NELL2: variants seen among roughly 807,000 people sequenced by gnomAD.
NELL2 encodes the protein protein kinase C-binding protein NELL2.
NELL2 carries 41 observed loss-of-function variants against 109.6 expected under a neutral mutation model. That is an observed-to-expected ratio of 0.37 (90% CI 0.29 to 0.49). NELL2 has a LOEUF of 0.49. Ranked by LOEUF, NELL2 falls within the 20% of genes least tolerant of loss-of-function variation. The pLI is 0.98. For missense variants in NELL2, 900 were observed against 1,008.3 expected (o/e 0.89, Z 1.45); for synonymous variants, 355 against 344.7 (o/e 1.03, Z -0.33).
chr12:44,875,216 C>A lies in NELL2; in HGVS notation c.184+9G>T. 1.2e-6 allele frequency: 2 copies of A among 1,606,046 alleles called. No homozygotes were observed. Among genetic ancestry groups the A allele is most frequent in the Non-Finnish European group, 1.7e-6 (2 of 1,174,538 alleles). ...AAATCACAGTGGGGATGCAGCACGC[C>A]GGGCATACCTTGAAAGAGAAAGGCT... On this transcript the variant is annotated intron_variant, in intron 2 of 19. Coordinates refer to ENST00000429094, the MANE Select transcript of NELL2 (RefSeq NM_001145108.2).
At chr12:44,610,328 G>A (rs1945571614) in intron 14 of NELL2, among the ~76,000 whole-genome samples, 1 of 151,516 alleles carries the variant, frequency 6.6e-6, no homozygotes, top group Non-Finnish European at 1.5e-5. Context: ...GGTTGACAAC[G>A]CTGCCAGAAA....
intron 2 of NELL2, among the ~76,000 whole-genome samples, chr12:44,850,053 G>T (rs938146227): frequency 6.6e-6 from 1 of 152,050 alleles, no homozygotes; most frequent in Non-Finnish European, 1.5e-5. Context: ...GTTTTGGGTG[G>T]CGGTTATCTG....
intron 12 of NELL2, among the ~76,000 whole-genome samples, chr12:44,670,223 C>T (rs1395893761): frequency 1.3e-5 from 2 of 152,042 alleles, no homozygotes; most frequent in Non-Finnish European, 2.9e-5. Flanking sequence ...GTTATACCAG[C>T]CCTACAAAAA....
upstream of NELL2, chr12:44,876,593 G>A (rs1185990661): frequency 6.5e-7 from 1 of 1,543,924 alleles, no homozygotes; most frequent in East Asian, 2.4e-5. Flanking sequence ...TTGATGGGCG[G>A]TCTTTGCTCT....
intron 3 of NELL2, among the ~76,000 whole-genome samples, chr12:44,793,218 G>A (rs1942497148): frequency 6.6e-6 from 1 of 152,030 alleles, no homozygotes; most frequent in Admixed American, 6.6e-5. Context: ...ACCACCTGTC[G>A]AGAATATAAA....
At chr12:44,689,050 T>C (rs774080751) in intron 12 of NELL2, among the ~76,000 whole-genome samples, 4 of 152,186 alleles carry the variant, frequency 2.6e-5, no homozygotes, top group Non-Finnish European at 5.9e-5. Context: ...GATACAAATT[T>C]TCCTGGCTGC....
At chr12:44,546,279 T>C (rs1942787817) in intron 15 of NELL2, among the ~76,000 whole-genome samples, 1 of 152,142 alleles carries the variant, frequency 6.6e-6, no homozygotes, top group South Asian at 2.1e-4. Context: ...TTGTCAGATA[T>C]AGCTTTGAGT....
intron 12 of NELL2, among the ~76,000 whole-genome samples, chr12:44,668,581 C>T (rs746192260): frequency 1.3e-4 from 20 of 151,960 alleles, no homozygotes; most frequent in Non-Finnish European, 2.8e-4. Flanking sequence ...TGCACTATCA[C>T]AATCTGGACA....
chr12:44,904,017 C>G (rs554955512), intron 1 of NELL2, among the ~76,000 whole-genome samples: 1 of 151,544 alleles, frequency 6.6e-6, no homozygotes, highest in African/African-American at 2.4e-5. Context: ...GCACATGTAT[C>G]CCAAACTTAA....
chr12:44,778,283 A>T (rs796166564), intron 5 of NELL2, among the ~76,000 whole-genome samples: 4 of 152,302 alleles, frequency 2.6e-5, no homozygotes, highest in African/African-American at 9.6e-5. Flanking sequence ...GATTAATAGC[A>T]TGTATCAATG....
At chr12:44,522,277 G>T in intron 17 of NELL2, 101 bp from the exon 18 acceptor site, 2 of 973,804 alleles carry the variant, frequency 2.1e-6, no homozygotes, top group Non-Finnish European at 1.5e-6. Flanking sequence ...CTTGGAAGTT[G>T]AAATAATTCA....
At chr12:44,609,559 T>A (rs4768562) in intron 14 of NELL2, among the ~76,000 whole-genome samples, 7 of 151,876 alleles carry the variant, frequency 4.6e-5, no homozygotes, top group African/African-American at 1.5e-4. Context: ...AGGGAACTGC[T>A]GTACTATACT....
At position 44,508,904 on chromosome 12, in the gene NELL2, T is replaced by C. The variant is rs1332389071; in HGVS notation, c.*30A>G. On this transcript the variant is annotated 3_prime_UTR_variant, in exon 20 of 20. Transcript: ENST00000429094. ...GTCTTTTAATGAAAGAACATTCTTT[T>C]AACAGAAATCTCCCATGAGACAGTT... The C allele has an allele frequency of 4.4e-6, 7 of 1,588,878 alleles. No homozygotes were observed. Among genetic ancestry groups the C allele is most frequent in the Non-Finnish European group, 6.0e-6 (7 of 1,164,650 alleles).
rs532444576 is a variant in NELL2 at position 44,783,224 on chromosome 12, A to C, written c.336-3202T>G. 9.2e-5 allele frequency among the ~76,000 whole-genome samples: 14 copies of C among 151,926 alleles called. No homozygotes were observed. The South Asian group carries it at 2.3e-3, about 25-fold the overall frequency. ...TTAAATATCAAAAATTGCCAAAAAAACAGGTAAAGCAATACTTGAGAGAGA... is the reference window on the plus strand; with the variant it reads ...TTAAATATCAAAAATTGCCAAAAAACCAGGTAAAGCAATACTTGAGAGAGA... On this transcript the variant is annotated intron_variant, in intron 3 of 19. Coordinates refer to ENST00000429094, the MANE Select transcript of NELL2 (RefSeq NM_001145108.2).
At chr12:44,687,299 A>C (rs751888834) in intron 12 of NELL2, among the ~76,000 whole-genome samples, 76 of 152,154 alleles carry the variant, frequency 5.0e-4, no homozygotes, top group Non-Finnish European at 7.9e-4. Flanking sequence ...ACCTGCGCCC[A>C]CTGTCTGGCA....
intron 15 of NELL2, among the ~76,000 whole-genome samples, chr12:44,586,600 C>T (rs547382160): frequency 2.0e-5 from 3 of 152,220 alleles, no homozygotes; most frequent in African/African-American, 4.8e-5. Context: ...CAATGAGGCA[C>T]TCTACATTAT....
intron 15 of NELL2, among the ~76,000 whole-genome samples, chr12:44,580,851 T>C (rs17649152): frequency 0.021 from 3,218 of 152,310 alleles, 49 homozygotes; most frequent in East Asian, 0.085. Flanking sequence ...GCTCATTTTA[T>C]ATAACAAATG....
At chr12:44,700,356 G>A (rs987411610) in intron 12 of NELL2, among the ~76,000 whole-genome samples, 1 of 152,090 alleles carries the variant, frequency 6.6e-6, no homozygotes, top group African/African-American at 2.4e-5. Flanking sequence ...GTGTGATCAC[G>A]AAACTTCTCA....
In NELL2 at chr12:44,644,604, G is replaced by GTGTATATATATATA. The variant is rs1241074750; in HGVS notation, c.1444+20879_1444+20880insTATATATATATACA. ...AGTATATATATATATATATATATAT[G>GTGTATATATATATA]TATGTATATATATATATATATACAT... On this transcript the variant is annotated intron_variant, in intron 13 of 19. Transcript: ENST00000429094. Among the ~76,000 whole-genome samples, 140 of 81,212 alleles carry GTGTATATATATATA rather than the reference G, an allele frequency of 1.7e-3. 2 individuals carry two copies. The highest frequency in any genetic ancestry group is 5.8e-3 in the East Asian group (13 of 2,258). The allele number at this position is 81,212 out of a possible 152,430, so 53.3% of individuals were successfully genotyped here.
Sources: allele counts gnomAD v4.1 joint callset (sites outside exome capture counted in the v4.1 genomes callset), GRCh38; gene constraint gnomAD v4.1.1; transcripts MANE v1.5; gene names NCBI Gene and HGNC (gene_info 2026-07-23, HGNC 2026-07-21).